IP6K2: variants seen among roughly 807,000 people sequenced by gnomAD.
IP6K2 encodes inositol hexakisphosphate kinase 2.
Under a neutral mutation model 43.3 loss-of-function variants are expected in IP6K2, and 9 were observed. The ratio of observed to expected loss-of-function variants is 0.21; its 90% CI spans 0.13 to 0.36. The LOEUF (loss-of-function observed/expected upper bound fraction) is 0.36, where lower values mean the gene tolerates loss of function less well. IP6K2 is among the 10% of genes least tolerant of loss of function. IP6K2 has a pLI of 1.00. For synonymous variants in IP6K2, 209 were observed against 202.4 expected, an observed-to-expected ratio of 1.03 and a Z score of -0.28; for missense variants, 332 against 538.4, an observed-to-expected ratio of 0.62 and a Z score of 3.79.
In IP6K2 at chr3:48,693,161, A is replaced by G. The variant is rs2077949867; in HGVS notation, c.221T>C (p.Phe74Ser). 6.2e-7 allele frequency: 1 copy of G among 1,613,932 alleles called. No homozygotes were observed. Residue 74 changes from phenylalanine (F) to serine (S), a missense_variant, in exon 3 of 6, where the codon TTT (phenylalanine) becomes TCT (serine). Phe to Ser is a radical substitution (Grantham distance 155). Transcript: ENST00000328631. The part of the protein sequence containing the change: ...PQYKGVVSVR[F>S]EEDEDRNLCL... ...CAAGTTCCTGTCTTCATCTTCTTCAAAGCGCACAGATACCACACCTGGAAG... is the reference window on the plus strand; with the variant it reads ...CAAGTTCCTGTCTTCATCTTCTTCAGAGCGCACAGATACCACACCTGGAAG...
chr3:48,704,178 A>T (rs1467485572), intron 1 of IP6K2, among the ~76,000 whole-genome samples: 1 of 152,178 alleles, frequency 6.6e-6, no homozygotes, highest in Non-Finnish European at 1.5e-5. Context: ...GGAAACAGTC[A>T]ATGTCTGACT....
intron 1 of IP6K2, chr3:48,715,445 G>T: frequency 2.0e-6 from 3 of 1,536,064 alleles, no homozygotes; most frequent in Non-Finnish European, 2.6e-6. Flanking sequence ...TCAGTCAGTG[G>T]TTGCTCCTTC....
At position 48,693,174 on chromosome 3, in the gene IP6K2, C is replaced by A. The variant is rs2077951458; in HGVS notation, c.208G>T (p.Val70Leu). 1 of 1,613,218 alleles carries A rather than the reference C, an allele frequency of 6.2e-7. No individual in the cohort carries two copies. Among genetic ancestry groups the A allele is most frequent in the Non-Finnish European group, 8.5e-7 (1 of 1,179,208 alleles). ...RKFTPQYKGV[V>L]SVRFEEDEDR... Reference sequence around the variant, plus strand: ...TCATCTTCTTCAAAGCGCACAGATACCACACCTGGAAGGGGGTGAGGAGCA... The same window carrying A: ...TCATCTTCTTCAAAGCGCACAGATAACACACCTGGAAGGGGGTGAGGAGCA... Residue 70 changes from valine to leucine, a missense_variant, in exon 3 of 6, where the codon GTA (valine) becomes TTA (leucine). Physicochemically the swap from Val to Leu is conservative, Grantham distance 32 (BLOSUM62 1). Transcript: ENST00000328631.
At chr3:48,700,708 C>T (rs1451526338) in intron 1 of IP6K2, among the ~76,000 whole-genome samples, 1 of 152,112 alleles carries the variant, frequency 6.6e-6, no homozygotes, top group Non-Finnish European at 1.5e-5. Flanking sequence ...ATGAAAGCCC[C>T]TGGGTCCTTA....
intron 1 of IP6K2, among the ~76,000 whole-genome samples, chr3:48,715,799 T>C (rs974081957): frequency 1.3e-5 from 2 of 151,622 alleles, no homozygotes; most frequent in Non-Finnish European, 2.9e-5. Flanking sequence ...GATTCTCCAT[T>C]TGATTTCTAA....
At chr3:48,713,562 T>C (rs538875403) in intron 1 of IP6K2, among the ~76,000 whole-genome samples, 15 of 152,362 alleles carry the variant, frequency 9.8e-5, no homozygotes, top group African/African-American at 3.6e-4. Context: ...TTTATTCCAT[T>C]AAAAGAAGTT....
chr3:48,688,408 G>A lies in IP6K2; in HGVS notation c.1146C>T (p.Ile382=), dbSNP rs1175586691. 5 of 1,614,238 alleles carry A rather than the reference G, an allele frequency of 3.1e-6. No homozygotes were observed. Among genetic ancestry groups the A allele is most frequent in the Non-Finnish European group, 3.4e-6 (4 of 1,180,042 alleles). Residue 382 remains isoleucine (I), a synonymous_variant, in exon 6 of 6, where the codon ATC becomes ATT. Coordinates refer to ENST00000328631, the MANE Select transcript of IP6K2 (RefSeq NM_016291.4). The surrounding 1 kb of genome is among the most constrained non-coding windows in gnomAD (Gnocchi z 5.1). ...IGASSVDVRM[I]DFAHTTCRLY... is the part of the protein sequence containing the mutation. ...GCCTGCAGGTGGTGTGTGCAAAGTC[G>A]ATCATGCGCACATCTACAGAGCTGG...
chr3:48,698,695 A>G (rs954985599), intron 1 of IP6K2, among the ~76,000 whole-genome samples: 4 of 152,140 alleles, frequency 2.6e-5, no homozygotes, highest in Non-Finnish European at 4.4e-5. Context: ...CTGGTCTCGA[A>G]ATCCTGACCT....
chr3:48,696,391 G>T (rs1378310959), intron 1 of IP6K2, among the ~76,000 whole-genome samples: 1 of 152,066 alleles, frequency 6.6e-6, no homozygotes, highest in Non-Finnish European at 1.5e-5. Context: ...ACTGATCAAG[G>T]CTGGTTAACT....
Position 48,710,617 on chromosome 3 carries a change from G to GT in IP6K2, c.-131+6539dup, listed in dbSNP as rs922183846. ...CCTGCTGTTCATGTTCATTAGTTTA[G>GT]TTTTTTTTTTGAGACGGAGTCTCAC... On this transcript the variant is annotated intron_variant, in intron 1 of 5. Coordinates refer to ENST00000328631, the MANE Select transcript of IP6K2 (RefSeq NM_016291.4). Among the ~76,000 whole-genome samples, 309 of 148,770 alleles carry GT rather than the reference G, an allele frequency of 2.1e-3. 1 individual carries two copies. The highest frequency in any genetic ancestry group is 6.4e-3 in the African/African-American group (261 of 40,726).
intron 1 of IP6K2, among the ~76,000 whole-genome samples, chr3:48,700,960 A>G (rs1028628349): frequency 2.0e-5 from 3 of 152,230 alleles, no homozygotes; most frequent in Non-Finnish European, 4.4e-5. Flanking sequence ...AATGCCTCAT[A>G]CATTGCTGGT....
intron 1 of IP6K2, among the ~76,000 whole-genome samples, chr3:48,709,469 T>C (rs2080222757): frequency 6.6e-6 from 1 of 152,186 alleles, no homozygotes; most frequent in South Asian, 2.1e-4. Context: ...CCAACCCACT[T>C]GGCCTGAGTG....
chr3:48,693,634 A>C, intron 2 of IP6K2: 2 of 1,132,628 alleles, frequency 1.8e-6, no homozygotes, highest in Non-Finnish European at 2.2e-6. Flanking sequence ...GAGGGTTAAG[A>C]AGCATCCAAG....
chr3:48,688,856 TGGC>T lies in IP6K2; in HGVS notation c.781-86_781-84del. ...GGGCGGGGGTGGGGTGGTGTGGTGG[TGGC>T]GGCATGTGACAGCCCAGATCAGATA... On this transcript the variant is annotated intron_variant, in intron 5 of 5. Transcript: ENST00000328631. This position sits in a 1 kb window ranked among gnomAD's most constrained non-coding sequence, Gnocchi z 5.1. 2.1e-6 allele frequency: 3 copies of T among 1,436,852 alleles called. No homozygotes were observed. In the Admixed American group the frequency reaches 6.1e-5, roughly 29 times the overall value. The allele number at this position is 1,436,852 out of a possible 1,614,324, so 89.0% of individuals were successfully genotyped here.
Position 48,688,171 on chromosome 3 carries a change from G to A in IP6K2, c.*102C>T, listed in dbSNP as rs976050542. The A allele has an allele frequency of 1.5e-6, 2 of 1,336,828 alleles. No individual in the cohort carries two copies. Among genetic ancestry groups the A allele is most frequent in the African/African-American group, 1.4e-5 (1 of 69,560 alleles). 82.8% of individuals were successfully genotyped at this position (1,336,828 alleles called of 1,614,324 possible). On this transcript the variant is annotated 3_prime_UTR_variant, in exon 6 of 6. Coordinates refer to ENST00000328631, the MANE Select transcript of IP6K2 (RefSeq NM_016291.4). The surrounding 1 kb of genome is among the most constrained non-coding windows in gnomAD (Gnocchi z 5.1). ...AGAGGCCACTGCACATCAGCTCCAG[G>A]CTGCAGGAGCCACCACCTGGCCATA...
chr3:48,694,533 A>G lies in IP6K2; in HGVS notation c.202+557T>C, dbSNP rs1335136659. 6 of 1,523,456 alleles carry G rather than the reference A, an allele frequency of 3.9e-6. No homozygotes were observed. In the South Asian group the frequency reaches 7.7e-5, roughly 20 times the overall value. 94.4% of individuals were successfully genotyped at this position (1,523,456 alleles called of 1,614,324 possible). On this transcript the variant is annotated intron_variant, in intron 2 of 5. Transcript: ENST00000328631. ...GGTGGCTGCTGATGTCCCCTATAAA[A>G]TACATTATAAAAAGAAATAAAAAAT...
intron 1 of IP6K2, among the ~76,000 whole-genome samples, chr3:48,715,700 C>CTT (rs1450197288): frequency 6.6e-6 from 1 of 150,646 alleles, no homozygotes; most frequent in South Asian, 2.1e-4. Flanking sequence ...CATTTCATTT[C>CTT]TTTCTCTCTC....
At chr3:48,701,384 T>C (rs989694418) in intron 1 of IP6K2, among the ~76,000 whole-genome samples, 1 of 151,570 alleles carries the variant, frequency 6.6e-6, no homozygotes, top group Non-Finnish European at 1.5e-5. Context: ...CTGACCAACA[T>C]GGCGAAACCC....
At chr3:48,705,604 G>A (rs1373035642) in intron 1 of IP6K2, among the ~76,000 whole-genome samples, 1 of 151,072 alleles carries the variant, frequency 6.6e-6, no homozygotes, top group African/African-American at 2.4e-5. Context: ...TGTGAGGTAT[G>A]ATCATGCCAC....
Sources: allele counts gnomAD v4.1 joint callset (sites outside exome capture counted in the v4.1 genomes callset), GRCh38; gene constraint gnomAD v4.1.1; non-coding constraint Gnocchi (gnomAD v3.1); transcripts MANE v1.5; gene names NCBI Gene and HGNC (gene_info 2026-07-23, HGNC 2026-07-21).